Variants in RABGAP1 observed in about 807,000 individuals in gnomAD.
The protein encoded by RABGAP1 is RAB GTPase activating protein 1.
A neutral mutation model predicts 137.6 loss-of-function variants in RABGAP1; 23 were observed. The ratio of observed to expected loss-of-function variants is 0.17; its 90% CI spans 0.12 to 0.24. RABGAP1 has a LOEUF of 0.24. RABGAP1 is among the 10% of genes least tolerant of loss of function. The pLI is 1.00. For missense variants in RABGAP1, 906 were observed against 1,275.8 expected (o/e 0.71, Z 4.42); for synonymous variants, 451 against 450.7 (o/e 1.00, Z -0.01).
intron 1 of RABGAP1, among the ~76,000 whole-genome samples, chr9:122,954,784 G>A (rs10985840): frequency 0.066 from 10,090 of 152,200 alleles, 393 homozygotes; most frequent in African/African-American, 0.082. Flanking sequence ...CTTCATAATC[G>A]AGTGGAAAGA....
At chr9:123,073,522 C>T (rs1003861497) in intron 15 of RABGAP1, 30 bp from the exon 16 acceptor site, 1 of 1,598,102 alleles carries the variant, frequency 6.3e-7, no homozygotes, top group African/African-American at 1.4e-5. Context: ...CGCCATCCTC[C>T]CTACCCAACA....
chr9:122,996,580 A>G lies in RABGAP1; in HGVS notation c.1076A>G (p.Asn359Ser), dbSNP rs571004016. ...LLLSPGKDVR[N>S]SDMHLLDLES... ...CTTAGTCCAGGAAAAGATGTACGAA[A>G]TAGTGACATGCACTTATTAGATTTG... is the stretch of plus-strand genomic sequence containing the variant. Residue 359 changes from asparagine (N) to serine (S), a missense_variant, in exon 8 of 26, where the codon AAT (asparagine) becomes AGT (serine). Coordinates refer to ENST00000373647, the MANE Select transcript of RABGAP1 (RefSeq NM_012197.4). 1 of 1,608,690 alleles carries G rather than the reference A, an allele frequency of 6.2e-7. No homozygotes were observed. The highest frequency in any genetic ancestry group is 1.3e-5 in the African/African-American group (1 of 74,878).
chr9:123,059,834 AT>A, intron 13 of RABGAP1, among the ~76,000 whole-genome samples: 1 of 152,308 alleles, frequency 6.6e-6, no homozygotes, highest in East Asian at 1.9e-4. Flanking sequence ...TGTAAAAACA[AT>A]TCCTGTTGTT....
In RABGAP1 at chr9:123,065,466, T is replaced by G. The variant is rs1206509988; in HGVS notation, c.1908+5T>G. 1 of 1,575,654 alleles carries G rather than the reference T, an allele frequency of 6.3e-7. No homozygotes were observed. The highest frequency in any genetic ancestry group is 1.1e-5 in the South Asian group (1 of 90,256). On this transcript the variant is annotated splice_donor_5th_base_variant and intron_variant, in intron 14 of 25. Coordinates refer to ENST00000373647, the MANE Select transcript of RABGAP1 (RefSeq NM_012197.4). ...TCCTTATATAAAATATGCAAGGTATTTCATGTCAAAAAAAAAAAGGACTCA... is the reference window on the plus strand; with the variant it reads ...TCCTTATATAAAATATGCAAGGTATGTCATGTCAAAAAAAAAAAGGACTCA...
intron 1 of RABGAP1, among the ~76,000 whole-genome samples, chr9:122,947,006 C>T (rs959472965): frequency 2.6e-5 from 4 of 152,094 alleles, no homozygotes; most frequent in African/African-American, 7.2e-5. Flanking sequence ...TCAGAAACTC[C>T]ATTTTTAAAC....
the RABGAP1 span, among the ~76,000 whole-genome samples, chr9:122,934,859 C>G: frequency 6.6e-6 from 1 of 152,100 alleles, no homozygotes; most frequent in Non-Finnish European, 1.5e-5. Flanking sequence ...CCTGCGTTGA[C>G]CTTCCAGAGT....
chr9:123,056,180 A>G (rs961381859), intron 13 of RABGAP1, among the ~76,000 whole-genome samples: 10 of 152,240 alleles, frequency 6.6e-5, no homozygotes, highest in African/African-American at 2.4e-4. Context: ...AGGCCCTGTC[A>G]ACTGATAGAG....
intron 19 of RABGAP1, among the ~76,000 whole-genome samples, chr9:123,079,183 T>A (rs181818335): frequency 5.1e-4 from 78 of 152,136 alleles, no homozygotes; most frequent in African/African-American, 1.6e-3. Flanking sequence ...GTTTCTTTTT[T>A]AAATTTGTTT....
chr9:123,078,273 G>A (rs1297314972), intron 19 of RABGAP1, among the ~76,000 whole-genome samples: 1 of 151,944 alleles, frequency 6.6e-6, no homozygotes, highest in Non-Finnish European at 1.5e-5. Context: ...AGAACTTCTG[G>A]TAATTAAAAT....
intron 14 of RABGAP1, among the ~76,000 whole-genome samples, chr9:123,069,714 T>G (rs7038015): frequency 0.1 from 15,139 of 152,000 alleles, 2,431 homozygotes; most frequent in African/African-American, 0.34. Flanking sequence ...AGATCCCATC[T>G]CTATAAAAAA....
At chr9:123,012,112 T>A (rs2030860379) in intron 11 of RABGAP1, among the ~76,000 whole-genome samples, 1 of 152,268 alleles carries the variant, frequency 6.6e-6, no homozygotes, top group South Asian at 2.1e-4. Context: ...TGCATTTAGT[T>A]CACATAAAGC....
At chr9:123,037,029 G>C (rs1384481732) in intron 13 of RABGAP1, among the ~76,000 whole-genome samples, 3 of 152,132 alleles carry the variant, frequency 2.0e-5, no homozygotes, top group African/African-American at 7.2e-5. Context: ...CTTTTCTGCT[G>C]TTCTGGAAAT....
intron 2 of RABGAP1, among the ~76,000 whole-genome samples, chr9:122,973,981 T>C (rs974501021): frequency 7.4e-5 from 11 of 149,278 alleles, no homozygotes; most frequent in South Asian, 2.1e-4. Flanking sequence ...CACTCCAGCC[T>C]GGGCGACGAG....
At chr9:122,986,931 C>G (rs1836400987) in intron 4 of RABGAP1, among the ~76,000 whole-genome samples, 1 of 152,104 alleles carries the variant, frequency 6.6e-6, no homozygotes, top group Non-Finnish European at 1.5e-5. Flanking sequence ...GGTTCGAGAC[C>G]AGCCTGGGCA....
In RABGAP1 at chr9:123,103,405, ACAGGCCTGCTAGCT is replaced by A. The variant is rs1380902625; in HGVS notation, c.*196_*209del. ...CTCTGGGGTAAGACTACTGATACTA[ACAGGCCTGCTAGCT>A]CAGCCGACGCTCTGGACACTCTAGA... On this transcript the variant is annotated 3_prime_UTR_variant, in exon 26 of 26. Transcript: ENST00000373647. 21 of 756,344 alleles carry A rather than the reference ACAGGCCTGCTAGCT, an allele frequency of 2.8e-5. No homozygotes were observed. The Admixed American group carries it at 6.8e-4, about 25-fold the overall frequency. The allele number at this position is 756,344 out of a possible 1,614,324, so 46.9% of individuals were successfully genotyped here. A position where few individuals can be genotyped will look rare whatever the true frequency, so the allele number is the denominator to read the frequency against.
intron 19 of RABGAP1, among the ~76,000 whole-genome samples, chr9:123,081,473 G>T (rs1175264272): frequency 6.6e-6 from 1 of 152,170 alleles, no homozygotes; most frequent in Non-Finnish European, 1.5e-5. Context: ...GTCTTGCTCT[G>T]TCACCCTGGC....
chr9:123,098,677 C>G, intron 22 of RABGAP1, 38 bp from the exon 23 acceptor site: 1 of 1,575,478 alleles, frequency 6.3e-7, no homozygotes, highest in Non-Finnish European at 8.7e-7. Context: ...CTTTATTTTT[C>G]TGTTAACATA....
At chr9:123,015,415 C>G (rs2031151370) in intron 11 of RABGAP1, 128 bp from the exon 12 acceptor site, 2 of 451,230 alleles carry the variant, frequency 4.4e-6, no homozygotes, top group African/African-American at 2.1e-5. Flanking sequence ...TCCATAAATA[C>G]TAAAAGAGAG....
At chr9:123,031,969 C>G (rs2032324178) in intron 13 of RABGAP1, among the ~76,000 whole-genome samples, 1 of 152,210 alleles carries the variant, frequency 6.6e-6, no homozygotes. Flanking sequence ...TTTTCAGCTA[C>G]CTTCAGTGCT....
Sources: allele counts gnomAD v4.1 joint callset (sites outside exome capture counted in the v4.1 genomes callset), GRCh38; gene constraint gnomAD v4.1.1; transcripts MANE v1.5; gene names NCBI Gene and HGNC (gene_info 2026-07-23, HGNC 2026-07-21).